The following PIK3C2G variants were observed in gnomAD, a reference collection of about 807,000 sequenced individuals.
PIK3C2G encodes the protein phosphatidylinositol-4-phosphate 3-kinase catalytic subunit type 2 gamma.
In PIK3C2G, 168 loss-of-function variants were observed where a neutral mutation model predicts 181.1. That is an observed-to-expected ratio of 0.93 (90% CI 0.82 to 1.05). The LOEUF (loss-of-function observed/expected upper bound fraction) is 1.05, where lower values mean the gene tolerates loss of function less well. Ranked by LOEUF, PIK3C2G falls within the 50% of genes least tolerant of loss-of-function variation. PIK3C2G has a pLI of 0.00. For missense variants in PIK3C2G, 1,869 were observed against 1,732.8 expected (o/e 1.08, Z -1.40); for synonymous variants, 573 against 592.2 (o/e 0.97, Z 0.47).
At chr12:18,428,335 T>A (rs528110178) in intron 18 of PIK3C2G, among the ~76,000 whole-genome samples, 21 of 141,946 alleles carry the variant, frequency 1.5e-4, no homozygotes, top group Admixed American at 8.5e-4. Context: ...AAGTCTTATT[T>A]AAAAAAAAAA....
chr12:18,564,383 G>A (rs1283187220), intron 28 of PIK3C2G, among the ~76,000 whole-genome samples: 1 of 150,634 alleles, frequency 6.6e-6, no homozygotes, highest in East Asian at 1.9e-4. Flanking sequence ...AAAGTAAATG[G>A]TCCTTTTATG....
chr12:18,421,337 A>C (rs1279282514), intron 17 of PIK3C2G, among the ~76,000 whole-genome samples: 1 of 152,070 alleles, frequency 6.6e-6, no homozygotes, highest in African/African-American at 2.4e-5. Flanking sequence ...GATAAAAATT[A>C]CCAAATAAAT....
the PIK3C2G span, chr12:18,693,581 G>C: frequency 1.3e-6 from 2 of 1,594,094 alleles, no homozygotes; most frequent in South Asian, 2.2e-5. Context: ...ACTCGGACGG[G>C]AATTGTTTCG....
At position 18,609,616 on chromosome 12, in the gene PIK3C2G, A is replaced by T. The variant is rs373095201; in HGVS notation, c.4169A>T (p.His1390Leu). The T allele has an allele frequency of 3.9e-6, 6 of 1,551,838 alleles. No homozygotes were observed. The African/African-American group carries it at 6.8e-5, about 18-fold the overall frequency. The change falls in exon 31 of 33, where the codon CAC (histidine) becomes CTC (leucine). Residue 1390 changes from histidine (H) to leucine (L), a missense_variant. Physicochemically the swap from His to Leu is moderately conservative, Grantham distance 99 (BLOSUM62 -3). Coordinates refer to ENST00000538779, the MANE Select transcript of PIK3C2G (RefSeq NM_001288772.2). Reference protein sequence around the residue: ...EDVKLTILVKHMKNIHLPDGS... With the variant: ...EDVKLTILVKLMKNIHLPDGS... ...GTGAAGCTGACCATACTAGTGAAAC[A>T]CATGAAAAACATTGTAAGTTTATTA...
chr12:18,653,272 C>A (rs1046797219), downstream of PIK3C2G, among the ~76,000 whole-genome samples: 5 of 152,024 alleles, frequency 3.3e-5, no homozygotes, highest in Non-Finnish European at 7.4e-5. Flanking sequence ...ATTACCCATG[C>A]CAAAAGTGAA....
At chr12:18,341,250 A>G (rs1383191205) in intron 9 of PIK3C2G, among the ~76,000 whole-genome samples, 1 of 152,186 alleles carries the variant, frequency 6.6e-6, no homozygotes, top group Non-Finnish European at 1.5e-5. Context: ...CAAACTTACA[A>G]TATTTGAAGC....
intron 16 of PIK3C2G, among the ~76,000 whole-genome samples, chr12:18,409,561 ATAAAAAT>A (rs1220977326): frequency 6.6e-6 from 1 of 152,142 alleles, no homozygotes; most frequent in Non-Finnish European, 1.5e-5. Flanking sequence ...AAAATAAAAA[ATAAAAAT>A]AAGCTTCCTG....
chr12:18,605,988 G>A (rs748384931), intron 30 of PIK3C2G, among the ~76,000 whole-genome samples: 52 of 152,132 alleles, frequency 3.4e-4, no homozygotes, highest in Non-Finnish European at 1.0e-4. Flanking sequence ...ATGATTGAAT[G>A]CGTTACTGTA....
At chr12:18,468,851 A>G (rs1033192693) in intron 18 of PIK3C2G, among the ~76,000 whole-genome samples, 6 of 152,120 alleles carry the variant, frequency 3.9e-5, no homozygotes, top group Admixed American at 3.9e-4. Context: ...AGACTACAGG[A>G]AGAAGCATGT....
intron 31 of PIK3C2G, among the ~76,000 whole-genome samples, chr12:18,635,177 GAACTA>G (rs1477036338): frequency 2.1e-4 from 32 of 152,168 alleles, no homozygotes; most frequent in African/African-American, 7.5e-4. Flanking sequence ...ATATCATGCA[GAACTA>G]TCCGTAAACC....
rs114235797 is a variant in PIK3C2G at position 18,518,342 on chromosome 12, C to A, written c.3323+12881C>A. On this transcript the variant is annotated intron_variant, in intron 24 of 32. Coordinates refer to ENST00000538779, the MANE Select transcript of PIK3C2G (RefSeq NM_001288772.2). The stretch of plus-strand genomic sequence containing the variant: ...CTCCTCTTTGTACCACTGTAGAATT[C>A]GGCTATGAATCTGTCTGGTCCTGGA... 9.0e-3 allele frequency among the ~76,000 whole-genome samples: 1,375 copies of A among 152,122 alleles called. 26 individuals are homozygous for A. Among genetic ancestry groups the A allele is most frequent in the African/African-American group, 0.03 (1,249 of 41,504 alleles).
chr12:18,715,709 A>T, the PIK3C2G span: 1 of 152,180 alleles, frequency 6.6e-6, no homozygotes, highest in African/African-American at 2.4e-5. Context: ...CACCCACACT[A>T]AAGTGCAGCC....
At chr12:18,372,787 G>A (rs1942160577) in intron 13 of PIK3C2G, 1 of 152,156 alleles carries the variant, frequency 6.6e-6, no homozygotes, top group African/African-American at 2.4e-5. Context: ...TTTTCCAGAT[G>A]GTTACGATAG....
chr12:18,635,057 A>C (rs1949529827), intron 31 of PIK3C2G, among the ~76,000 whole-genome samples: 2 of 152,186 alleles, frequency 1.3e-5, no homozygotes, highest in African/African-American at 2.4e-5. Context: ...AAGCAGGTGA[A>C]CTGCTTGAAA....
At chr12:18,271,180 A>G (rs1347095234) in intron 1 of PIK3C2G, among the ~76,000 whole-genome samples, 1 of 151,962 alleles carries the variant, frequency 6.6e-6, no homozygotes, top group Non-Finnish European at 1.5e-5. Flanking sequence ...ATAAAATTCC[A>G]TTCCTTAGAG....
At chr12:18,291,265 C>T (rs1186384738) in intron 4 of PIK3C2G, among the ~76,000 whole-genome samples, 1 of 152,052 alleles carries the variant, frequency 6.6e-6, no homozygotes, top group African/African-American at 2.4e-5. Context: ...TGCTTAATAG[C>T]AAGTATAGCA....
At position 18,371,267 on chromosome 12, in the gene PIK3C2G, T is replaced by C. The variant is rs1942041881; in HGVS notation, c.1836T>C (p.Asn612=). 2 of 1,612,598 alleles carry C rather than the reference T, an allele frequency of 1.2e-6. No individual in the cohort carries two copies. Among genetic ancestry groups the C allele is most frequent in the Middle Eastern group, 1.7e-4 (1 of 6,056 alleles). Residue 612 remains asparagine, a synonymous_variant, in exon 13 of 33, where the codon AAT becomes AAC. Transcript: ENST00000538779. ...KLFGIACATN[N]ANLLAWTCLP... ...TTGGGATTGCCTGTGCAACCAACAA[T>C]GCAAATTTACTGGCGTGGACTTGTC...
chr12:18,470,732 T>G (rs190018657), intron 18 of PIK3C2G, among the ~76,000 whole-genome samples: 182 of 152,226 alleles, frequency 1.2e-3, no homozygotes, highest in African/African-American at 4.3e-3. Flanking sequence ...AAAAAATCCC[T>G]TGCAACTCTT....
At chr12:18,293,818 G>A in intron 4 of PIK3C2G, 83 bp from the exon 5 acceptor site, 1 of 689,026 alleles carries the variant, frequency 1.5e-6, no homozygotes, top group Admixed American at 2.4e-5. Flanking sequence ...ATAATGTGTT[G>A]GTCATATTTT....
Sources: allele counts gnomAD v4.1 joint callset (sites outside exome capture counted in the v4.1 genomes callset), GRCh38; gene constraint gnomAD v4.1.1; transcripts MANE v1.5; gene names NCBI Gene and HGNC (gene_info 2026-07-23, HGNC 2026-07-21).